NINL: variants seen among roughly 807,000 people sequenced by gnomAD.
The protein encoded by NINL is ninein-like protein.
A neutral mutation model predicts 160.3 loss-of-function variants in NINL; 153 were observed. That is an observed-to-expected ratio of 0.95 (90% CI 0.84 to 1.09). The LOEUF is 1.09. Ranked by LOEUF, NINL falls within the 50% of genes least tolerant of loss-of-function variation. NINL has a pLI of 0.00. For synonymous variants in NINL, 800 were observed against 734.8 expected (o/e 1.09, Z -1.43); for missense variants, 1,829 against 1,764.0 (o/e 1.04, Z -0.66).
Position 25,476,290 on chromosome 20 carries a change from C to T in NINL, c.3001G>A (p.Ala1001Thr), listed in dbSNP as rs749284301. The T allele has an allele frequency of 6.2e-7, 1 of 1,613,416 alleles. No homozygotes were observed. The highest frequency in any genetic ancestry group is 8.5e-7 in the Non-Finnish European group (1 of 1,179,966). The change falls in exon 17 of 24, where the codon GCC becomes ACC. Residue 1001 changes from alanine to threonine, a missense_variant. Transcript: ENST00000278886. Reference protein sequence around the residue: ...QEQASEQQARAEGALEPGCHK... With the variant: ...QEQASEQQARTEGALEPGCHK... The stretch of plus-strand genomic sequence containing the variant: ...CACCCAGGCTCCAGGGCGCCCTCGG[C>T]CCGGGCCTGCTGCTCCGAGGCCTGC...
chr20:25,568,553 C>A (rs2065019541), intron 1 of NINL, among the ~76,000 whole-genome samples: 2 of 151,880 alleles, frequency 1.3e-5, no homozygotes, highest in Non-Finnish European at 2.9e-5. Flanking sequence ...TGACTACAGG[C>A]ACGTGCCACC....
At chr20:25,479,492 G>A (rs976643834) in intron 15 of NINL, among the ~76,000 whole-genome samples, 11 of 152,204 alleles carry the variant, frequency 7.2e-5, no homozygotes, top group Non-Finnish European at 1.5e-4. Context: ...TGCAAGGGAC[G>A]CAGAGGGTGG....
At chr20:25,530,365 T>A (rs1159011454) in intron 1 of NINL, among the ~76,000 whole-genome samples, 2 of 152,180 alleles carry the variant, frequency 1.3e-5, no homozygotes, top group African/African-American at 2.4e-5. Flanking sequence ...TCCCTCATTT[T>A]AAAAAATACA....
At chr20:25,553,104 G>GTTTTTTTT (rs3036846) in intron 1 of NINL, among the ~76,000 whole-genome samples, 24,894 of 97,988 alleles carry the variant, frequency 0.25, 3,026 homozygotes, top group Admixed American at 0.31. Flanking sequence ...CCCTTGTTGG[G>GTTTTTTTT]TTTTTTTTTT....
rs1205638930 is a variant in NINL, at chr20:25,461,691, T to C, written c.3583-56A>G. 14 of 1,195,622 alleles carry C rather than the reference T, an allele frequency of 1.2e-5. No homozygotes were observed. The South Asian group carries it at 1.4e-4, about 12-fold the overall frequency. The allele number at this position is 1,195,622 out of a possible 1,614,324, so 74.1% of individuals were successfully genotyped here. A position where few individuals can be genotyped will look rare whatever the true frequency, so the allele number is the denominator to read the frequency against. The stretch of plus-strand genomic sequence containing the variant: ...AGAAGTATCTGAAGAGTCTGGTATG[T>C]AATTCGTGCAAAAACCTCAGAAAAT... On this transcript the variant is annotated intron_variant, in intron 20 of 23. Transcript: ENST00000278886.
intron 1 of NINL, among the ~76,000 whole-genome samples, chr20:25,573,294 TC>T (rs1450221495): frequency 8.4e-6 from 1 of 119,144 alleles, no homozygotes; most frequent in Non-Finnish European, 1.9e-5. Context: ...CAAAACTCCA[TC>T]TCAAAAAAAA....
chr20:25,469,288 G>C (rs1267650897), intron 18 of NINL, among the ~76,000 whole-genome samples: 11 of 121,696 alleles, frequency 9.0e-5, no homozygotes, highest in African/African-American at 4.0e-4. Context: ...CTCACTGGTG[G>C]GCGCCCCACT....
At chr20:25,474,216 C>A (rs2063176807) in intron 17 of NINL, among the ~76,000 whole-genome samples, 2 of 152,232 alleles carry the variant, frequency 1.3e-5, no homozygotes, top group African/African-American at 4.8e-5. Flanking sequence ...TGGAAGGACG[C>A]CTCAAGTCAA....
chr20:25,584,746 T>G (rs1235000252), intron 1 of NINL, among the ~76,000 whole-genome samples: 2 of 152,096 alleles, frequency 1.3e-5, no homozygotes, highest in African/African-American at 4.8e-5. Context: ...GTGAGTCCTG[T>G]GCAAACATAC....
intron 15 of NINL, among the ~76,000 whole-genome samples, chr20:25,479,840 A>G (rs919445291): frequency 6.6e-6 from 1 of 152,226 alleles, no homozygotes; most frequent in African/African-American, 2.4e-5. Flanking sequence ...GAGCACAGCC[A>G]GTAACTGATT....
rs534238900 is a variant in NINL, at chr20:25,480,805, G to A, written c.1811-538C>T. 9.8e-5 allele frequency among the ~76,000 whole-genome samples: 15 copies of A among 152,312 alleles called. No homozygotes were observed. The East Asian group carries it at 2.1e-3, about 22-fold the overall frequency. ...CTGGAATTAGCGCTCTGAGACTGAC[G>A]GGCAGGGAGGTGTGACAGCCAGCGG... On this transcript the variant is annotated intron_variant, in intron 14 of 23. Transcript: ENST00000278886.
chr20:25,557,517 C>T (rs139186941), intron 1 of NINL, among the ~76,000 whole-genome samples: 1,826 of 150,906 alleles, frequency 0.012, 30 homozygotes, highest in African/African-American at 0.039. Flanking sequence ...GGCAACAGAG[C>T]GAAACTCCAT....
intron 1 of NINL, among the ~76,000 whole-genome samples, chr20:25,571,438 A>T (rs1272705059): frequency 6.6e-6 from 1 of 152,166 alleles, no homozygotes; most frequent in Non-Finnish European, 1.5e-5. Context: ...TGATAAGAGA[A>T]CTCAGTGCAC....
intron 1 of NINL, among the ~76,000 whole-genome samples, chr20:25,561,540 A>G: frequency 1.4e-5 from 2 of 147,722 alleles, no homozygotes; most frequent in African/African-American, 2.5e-5. Flanking sequence ...CCCAGTCTGG[A>G]AAGTGAGAAG....
intron 21 of NINL, 133 bp from the exon 22 acceptor site, chr20:25,458,662 G>T (rs1262512991): frequency 1.1e-6 from 1 of 933,326 alleles, no homozygotes; most frequent in Non-Finnish European, 1.6e-6. Flanking sequence ...AGCAGCACCT[G>T]AATATTTAGA....
rs1296140738 is a variant in NINL at position 25,584,043 on chromosome 20, TA to T, written c.-12+1411del. Among the ~76,000 whole-genome samples the T allele has an allele frequency of 3.3e-5, 5 of 152,156 alleles. No homozygotes were observed. In the East Asian group the frequency reaches 9.7e-4, roughly 29 times the overall value. On this transcript the variant is annotated intron_variant, in intron 1 of 23. Transcript: ENST00000278886. Reference sequence around the variant, plus strand: ...ACAAATACCTAATGTATGTGGGGCTTAAAATCTAGATGACGGGTTGATAGGT... The same window carrying T: ...ACAAATACCTAATGTATGTGGGGCTTAAATCTAGATGACGGGTTGATAGGT...
At chr20:25,495,663 C>G (rs60229765) in intron 10 of NINL, among the ~76,000 whole-genome samples, 1 of 152,170 alleles carries the variant, frequency 6.6e-6, no homozygotes, top group Non-Finnish European at 1.5e-5. Flanking sequence ...TGAGCTACCC[C>G]GGAGGACCCT....
At chr20:25,488,196 G>A (rs765569382) in intron 13 of NINL, among the ~76,000 whole-genome samples, 14 of 152,178 alleles carry the variant, frequency 9.2e-5, no homozygotes, top group Non-Finnish European at 1.8e-4. Context: ...TGTGTGGCAC[G>A]CCGAGGTGTG....
chr20:25,551,108 A>G (rs2064802905), intron 1 of NINL, among the ~76,000 whole-genome samples: 1 of 152,204 alleles, frequency 6.6e-6, no homozygotes, highest in Non-Finnish European at 1.5e-5. Flanking sequence ...TACTGCCTGC[A>G]AACACATTTT....
Sources: allele counts gnomAD v4.1 joint callset (sites outside exome capture counted in the v4.1 genomes callset), GRCh38; gene constraint gnomAD v4.1.1; transcripts MANE v1.5; gene names NCBI Gene and HGNC (gene_info 2026-07-23, HGNC 2026-07-21).